LTA4H: variants seen among roughly 807,000 people sequenced by gnomAD.
The protein encoded by LTA4H is leukotriene A4 hydrolase.
In LTA4H, 59 loss-of-function variants were observed where a neutral mutation model predicts 89.8. The observed-to-expected ratio is 0.66, with a 90% confidence interval of 0.53 to 0.82. The LOEUF (loss-of-function observed/expected upper bound fraction) is 0.82, where lower values mean the gene tolerates loss of function less well. Among genes scored for constraint, LTA4H ranks in the 40% least tolerant of loss-of-function variants. LTA4H has a pLI of 0.00. For synonymous variants in LTA4H, 227 were observed against 253.1 expected, an observed-to-expected ratio of 0.90 and a Z score of 0.98; for missense variants, 617 against 727.0, an observed-to-expected ratio of 0.85 and a Z score of 1.74.
chr12:96,001,823 C>G (rs1313428603), intron 18 of LTA4H, among the ~76,000 whole-genome samples: 4 of 151,538 alleles, frequency 2.6e-5, no homozygotes, highest in African/African-American at 9.7e-5. Flanking sequence ...TTATTTTTCC[C>G]ACAAAAGGTA....
At chr12:96,039,115 TG>T (rs1187106646), upstream of LTA4H, among the ~76,000 whole-genome samples, 1 of 152,074 alleles carries the variant, frequency 6.6e-6, no homozygotes, top group Non-Finnish European at 1.5e-5. Context: ...CTGGGCACAG[TG>T]GCCCACACCG....
intron 14 of LTA4H, chr12:96,010,735 G>C (rs1950287104): frequency 6.6e-6 from 1 of 152,186 alleles, no homozygotes; most frequent in African/African-American, 2.4e-5. Context: ...TGCTTTTAAA[G>C]GTTTACTCTA....
intron 10 of LTA4H, among the ~76,000 whole-genome samples, chr12:96,016,540 G>A (rs899391441): frequency 5.3e-5 from 8 of 151,872 alleles, no homozygotes; most frequent in East Asian, 2.0e-4. Flanking sequence ...CCCTGGAGTT[G>A]CAGTTAGCAG....
chr12:96,024,666 G>T, intron 3 of LTA4H, 119 bp from the exon 4 acceptor site: 5 of 586,530 alleles, frequency 8.5e-6, no homozygotes, highest in South Asian at 6.2e-5. Flanking sequence ...CTCATTTCTT[G>T]GGATTTTTTT....
chr12:96,011,792 G>A (rs924388356), intron 14 of LTA4H: 7 of 151,924 alleles, frequency 4.6e-5, no homozygotes, highest in Admixed American at 1.3e-4. Context: ...GCCCCCAAAC[G>A]TCTCTTCTCT....
intron 3 of LTA4H, chr12:96,025,288 G>A (rs568116046): frequency 2.2e-4 from 33 of 152,302 alleles, no homozygotes; most frequent in African/African-American, 6.7e-4. Flanking sequence ...TTACATTTAT[G>A]TTAACACAAA....
At chr12:96,024,645 T>A in intron 3 of LTA4H, 98 bp from the exon 4 acceptor site, 11 of 709,254 alleles carry the variant, frequency 1.6e-5, no homozygotes, top group Middle Eastern at 3.5e-4. Context: ...GACATTAAAA[T>A]AAAAACAGTC....
intron 1 of LTA4H, among the ~76,000 whole-genome samples, chr12:96,035,037 T>A (rs539908748): frequency 3.3e-5 from 5 of 151,618 alleles, no homozygotes; most frequent in African/African-American, 1.2e-4. Flanking sequence ...GCTGGGTGAG[T>A]TGAGAGGAGT....
chr12:96,001,338 G>A (rs561600218), intron 18 of LTA4H, among the ~76,000 whole-genome samples: 1 of 152,298 alleles, frequency 6.6e-6, no homozygotes, highest in South Asian at 2.1e-4. Context: ...AGATGGGTAT[G>A]GTCCTGCCAC....
chr12:96,003,806 T>C, intron 17 of LTA4H, 32 bp downstream of exon 17: 1 of 1,513,624 alleles, frequency 6.6e-7, no homozygotes, highest in Non-Finnish European at 9.1e-7. Context: ...GTTTTCTGCT[T>C]TCTTCCACAG....
chr12:96,030,674 C>G (rs1251002581), intron 1 of LTA4H, among the ~76,000 whole-genome samples: 3 of 152,182 alleles, frequency 2.0e-5, no homozygotes, highest in Non-Finnish European at 4.4e-5. Flanking sequence ...ACTGGCAGAA[C>G]TGCTTTCTAC....
chr12:96,032,328 T>C (rs1351791208), intron 1 of LTA4H, among the ~76,000 whole-genome samples: 1 of 152,256 alleles, frequency 6.6e-6, no homozygotes, highest in Non-Finnish European at 1.5e-5. Flanking sequence ...ACGTCTCTCC[T>C]GATTCCGCAC....
In LTA4H at chr12:96,035,402, C is replaced by A. The variant is rs1592902530; in HGVS notation, c.118G>T (p.Ala40Ser). 6.2e-7 allele frequency: 1 copy of A among 1,611,578 alleles called. No individual in the cohort carries two copies. The highest frequency in any genetic ancestry group is 8.5e-7 in the Non-Finnish European group (1 of 1,178,988). The change falls in exon 1 of 19, where the codon GCT becomes TCT. Residue 40 changes from alanine (A) to serine (S), a missense_variant. Ala to Ser is a moderately conservative substitution (Grantham distance 99). Transcript: ENST00000228740. Reference sequence around the variant, plus strand: ...TCCTCCTGAGACTGGACCGTGAGAGCAGCAGTCCCGGTCAGCGTCCGGCGA... The same window carrying A: ...TCCTCCTGAGACTGGACCGTGAGAGAAGCAGTCCCGGTCAGCGTCCGGCGA... ...FTRRTLTGTAALTVQSQEDNL... is the reference protein window; with the variant it reads ...FTRRTLTGTASLTVQSQEDNL...
At chr12:96,002,147 G>T (rs1056571385) in intron 18 of LTA4H, among the ~76,000 whole-genome samples, 1 of 152,118 alleles carries the variant, frequency 6.6e-6, no homozygotes, top group Non-Finnish European at 1.5e-5. Flanking sequence ...GTGAGCCACC[G>T]CGCCCGGCCC....
chr12:96,019,665 C>T (rs1199125311), intron 6 of LTA4H, among the ~76,000 whole-genome samples: 1 of 146,172 alleles, frequency 6.8e-6, no homozygotes, highest in Non-Finnish European at 1.5e-5. Flanking sequence ...GATCTTGGCT[C>T]ACTGCAAGCT....
intron 1 of LTA4H, among the ~76,000 whole-genome samples, chr12:96,031,295 TA>T (rs1950568825): frequency 6.6e-6 from 1 of 152,190 alleles, no homozygotes; most frequent in Non-Finnish European, 1.5e-5. Context: ...AGGTGTCAAT[TA>T]ATGCATGAAG....
intron 8 of LTA4H, 62 bp from the exon 9 acceptor site, chr12:96,017,642 T>C (rs1049920877): frequency 4.0e-5 from 48 of 1,204,776 alleles, no homozygotes; most frequent in Non-Finnish European, 3.8e-5. Context: ...TCTAAAAGAC[T>C]GCCTACCTAA....
At chr12:96,036,912 C>T (rs1950652522), upstream of LTA4H, among the ~76,000 whole-genome samples, 1 of 152,144 alleles carries the variant, frequency 6.6e-6, no homozygotes, top group South Asian at 2.1e-4. Context: ...AAGGGGCAGG[C>T]CTCTACATGG....
chr12:96,030,776 C>T (rs953777169), intron 1 of LTA4H, among the ~76,000 whole-genome samples: 4 of 152,098 alleles, frequency 2.6e-5, no homozygotes, highest in Non-Finnish European at 5.9e-5. Flanking sequence ...TCCCAGCTGC[C>T]CCTGGGTACT....
Sources: gnomAD v4.1 joint callset for allele counts (sites outside exome capture counted in the v4.1 genomes callset) on GRCh38, gnomAD v4.1.1 for gene constraint, MANE v1.5 for transcripts, NCBI Gene and HGNC (gene_info 2026-07-23, HGNC 2026-07-21) for gene names.